Variants in ARAP2 observed in about 807,000 individuals in gnomAD.
The protein encoded by ARAP2 is arf-GAP with Rho-GAP domain, ANK repeat and PH domain-containing protein 2.
Under a neutral mutation model 194.5 loss-of-function variants are expected in ARAP2, and 148 were observed. The observed-to-expected ratio is 0.76, with a 90% CI of 0.67 to 0.87. The LOEUF is 0.87. Among genes scored for constraint, ARAP2 ranks in the 40% least tolerant of loss-of-function variants. The pLI, the probability that ARAP2 is intolerant of heterozygous loss-of-function variation, is 0.00. For missense variants in ARAP2, 2,128 were observed against 1,989.7 expected, an observed-to-expected ratio of 1.07 and a Z score of -1.32; for synonymous variants, 695 against 683.5, an observed-to-expected ratio of 1.02 and a Z score of -0.26.
chr4:36,045,007 C>T (rs6812127), intron 5 of ARAP2, among the ~76,000 whole-genome samples: 88,572 of 151,962 alleles, frequency 0.58, 26,942 homozygotes, highest in Non-Finnish European at 0.66. Context: ...AAGTTTTCAA[C>T]TCATCATACC....
At chr4:36,090,001 T>C in intron 28 of ARAP2, among the ~76,000 whole-genome samples, 1 of 152,002 alleles carries the variant, frequency 6.6e-6, no homozygotes, top group South Asian at 2.1e-4. Flanking sequence ...TTTACATATA[T>C]TATTAGACCA....
At chr4:36,197,675 T>C (rs1435742521) in intron 6 of ARAP2, among the ~76,000 whole-genome samples, 1 of 151,976 alleles carries the variant, frequency 6.6e-6, no homozygotes, top group African/African-American at 2.4e-5. Flanking sequence ...CAGTGAGGGG[T>C]GTGTGAGCAA....
intron 26 of ARAP2, among the ~76,000 whole-genome samples, chr4:36,109,464 T>A (rs1016314150): frequency 1.3e-5 from 2 of 151,888 alleles, no homozygotes; most frequent in African/African-American, 4.8e-5. Context: ...AAAAAACATA[T>A]TAACAGAAAG....
In ARAP2 at chr4:36,099,554, G is replaced by C. The variant is rs61797482; in HGVS notation, c.4286-7534C>G. On this transcript the variant is annotated intron_variant, in intron 27 of 32. Transcript: ENST00000303965. ...TCTTTACTCCTCTGAGCCTTCCCTG[G>C]TTTGTGACAAACAAACATTGTAACA... 9.8e-3 allele frequency among the ~76,000 whole-genome samples: 1,490 copies of C among 152,114 alleles called. 13 individuals carry two copies. The highest frequency in any genetic ancestry group is 0.015 in the Non-Finnish European group (1,045 of 67,982).
At chr4:36,006,712 C>T (rs1043214582) in intron 10 of ARAP2, 1 of 151,924 alleles carries the variant, frequency 6.6e-6, no homozygotes, top group African/African-American at 2.4e-5. Flanking sequence ...AGTAGGCTAT[C>T]TTTAAATTTA....
At chr4:36,031,188 A>G (rs1007801326) in intron 5 of ARAP2, among the ~76,000 whole-genome samples, 8 of 152,198 alleles carry the variant, frequency 5.3e-5, no homozygotes, top group African/African-American at 1.7e-4. Flanking sequence ...GATTCTGAAG[A>G]AAAATTTTCA....
At chr4:36,154,306 T>C (rs76537367) in intron 15 of ARAP2, among the ~76,000 whole-genome samples, 75 of 152,312 alleles carry the variant, frequency 4.9e-4, no homozygotes, top group African/African-American at 1.7e-3. Context: ...TTAAAATACA[T>C]GTGATTTAGC....
intron 5 of ARAP2, among the ~76,000 whole-genome samples, chr4:36,039,574 C>T (rs558560567): frequency 1.3e-5 from 2 of 152,074 alleles, no homozygotes; most frequent in African/African-American, 4.8e-5. Context: ...GCCTGAAAAT[C>T]CTGCTCATAT....
chr4:36,111,260 G>A (rs1719918890), intron 26 of ARAP2, among the ~76,000 whole-genome samples: 1 of 151,774 alleles, frequency 6.6e-6, no homozygotes, highest in Non-Finnish European at 1.5e-5. Context: ...TACTACCTAT[G>A]CCTTTACTTT....
downstream of ARAP2, among the ~76,000 whole-genome samples, chr4:36,061,540 A>G (rs889385654): frequency 6.6e-6 from 1 of 152,242 alleles, no homozygotes; most frequent in African/African-American, 2.4e-5. Context: ...GCCATTGTGT[A>G]TAAGTACCAC....
At chr4:36,127,405 T>A (rs1724206591) in intron 21 of ARAP2, among the ~76,000 whole-genome samples, 1 of 152,020 alleles carries the variant, frequency 6.6e-6, no homozygotes, top group African/African-American at 2.4e-5. Context: ...GGTAGTTATA[T>A]CGTGAGAAGC....
chr4:36,142,549 A>C (rs1164618845), intron 19 of ARAP2, among the ~76,000 whole-genome samples: 1 of 150,964 alleles, frequency 6.6e-6, no homozygotes, highest in Non-Finnish European at 1.5e-5. Context: ...CACCAGAGGG[A>C]CTCCAAATCA....
intron 6 of ARAP2, among the ~76,000 whole-genome samples, chr4:36,199,679 T>A (rs1743945667): frequency 6.6e-6 from 1 of 152,018 alleles, no homozygotes; most frequent in African/African-American, 2.4e-5. Flanking sequence ...TATGAGTGTA[T>A]TTTTTTTAGA....
intron 1 of ARAP2, chr4:36,243,484 T>C (rs1753980892): frequency 6.6e-6 from 1 of 152,066 alleles, no homozygotes; most frequent in Non-Finnish European, 1.5e-5. Context: ...TTTCTTGTGT[T>C]TTCCTCTAAT....
Position 36,160,540 on chromosome 4 carries a change from T to C in ARAP2, c.2361A>G (p.Lys787=). 2 of 1,573,712 alleles carry C rather than the reference T, an allele frequency of 1.3e-6. No homozygotes were observed. Among genetic ancestry groups the C allele is most frequent in the East Asian group, 4.7e-5 (2 of 42,894 alleles). The change falls in exon 13 of 33, where the codon AAA becomes AAG. Residue 787 remains lysine, a synonymous_variant. Transcript: ENST00000303965. Reference sequence around the variant, plus strand: ...CTTTATATTTCTGAGTAATAAAGTTTTTTCTCTTTTCTACTGGTGAGTCCA... The same window carrying C: ...CTTTATATTTCTGAGTAATAAAGTTCTTTCTCTTTTCTACTGGTGAGTCCA... ...LHMDSPVEKR[K]NFITQKYKEG...
chr4:36,062,608 A>G (rs1010197278), downstream of ARAP2, among the ~76,000 whole-genome samples: 2 of 151,002 alleles, frequency 1.3e-5, no homozygotes, highest in African/African-American at 2.4e-5. Context: ...TCTATTTCAT[A>G]TACCTGGCTC....
At chr4:36,121,721 CAA>C (rs1722722632) in intron 22 of ARAP2, among the ~76,000 whole-genome samples, 1 of 151,194 alleles carries the variant, frequency 6.6e-6, no homozygotes, top group Admixed American at 6.6e-5. Flanking sequence ...AGAAAACAGG[CAA>C]AAAAGGTAGG....
intron 31 of ARAP2, among the ~76,000 whole-genome samples, chr4:36,074,381 A>T (rs1195249481): frequency 1.3e-5 from 2 of 152,092 alleles, no homozygotes; most frequent in Non-Finnish European, 2.9e-5. Flanking sequence ...TGTACAACGG[A>T]GAGTGGGGCA....
chr4:36,207,791 C>A (rs1167431115), intron 6 of ARAP2, among the ~76,000 whole-genome samples: 1 of 151,496 alleles, frequency 6.6e-6, no homozygotes, highest in East Asian at 1.9e-4. Flanking sequence ...AAAAAAAAAA[C>A]CCAAGAGTTC....
Sources: allele counts gnomAD v4.1 joint callset (sites outside exome capture counted in the v4.1 genomes callset), GRCh38; gene constraint gnomAD v4.1.1; transcripts MANE v1.5; gene names NCBI Gene and HGNC (gene_info 2026-07-23, HGNC 2026-07-21).